CDYL2: variants seen among roughly 807,000 people sequenced by gnomAD.
CDYL2 encodes the protein chromodomain Y like 2.
A neutral mutation model predicts 49.4 loss-of-function variants in CDYL2; 23 were observed. The observed-to-expected ratio is 0.47, with a 90% CI of 0.34 to 0.66. The LOEUF (loss-of-function observed/expected upper bound fraction) is 0.66, where lower values mean the gene tolerates loss of function less well. Among genes scored for constraint, CDYL2 ranks in the 30% least tolerant of loss-of-function variants. The probability of loss-of-function intolerance (pLI) is 0.01; values close to 1 mark genes in which losing one functional copy is unlikely to be tolerated. For missense variants in CDYL2, 678 were observed against 656.4 expected, an observed-to-expected ratio of 1.03 and a Z score of -0.36; for synonymous variants, 360 against 268.8, an observed-to-expected ratio of 1.34 and a Z score of -3.32.
At position 80,673,651 on chromosome 16, in the gene CDYL2, T is replaced by C. The variant is rs138872783; in HGVS notation, c.616+10887A>G. ...ATTCAAGAATACAAACCCATATGCA[T>C]ACCCTTTCTTCCCCTCAAACTCTCC... On this transcript the variant is annotated intron_variant, in intron 2 of 6. Coordinates refer to ENST00000570137, the MANE Select transcript of CDYL2 (RefSeq NM_152342.4). 2.0e-5 allele frequency among the ~76,000 whole-genome samples: 3 copies of C among 152,312 alleles called. No homozygotes were observed. In the East Asian group the frequency reaches 5.8e-4, roughly 29 times the overall value.
chr16:80,780,324 C>A (rs1907221227), intron 1 of CDYL2, among the ~76,000 whole-genome samples: 1 of 151,068 alleles, frequency 6.6e-6, no homozygotes, highest in Non-Finnish European at 1.5e-5. Flanking sequence ...AAGCCCTTCA[C>A]ACCAATCTCA....
intron 1 of CDYL2, among the ~76,000 whole-genome samples, chr16:80,764,467 A>C (rs1012074858): frequency 3.3e-5 from 5 of 152,112 alleles, no homozygotes; most frequent in African/African-American, 1.2e-4. Context: ...TCCCAATGGG[A>C]GGACAGGAAA....
At chr16:80,718,163 G>A (rs946867467) in intron 1 of CDYL2, among the ~76,000 whole-genome samples, 8 of 152,202 alleles carry the variant, frequency 5.3e-5, no homozygotes, top group African/African-American at 1.2e-4. Context: ...TCCAAAGCCC[G>A]TGCTCTTTCT....
intron 1 of CDYL2, among the ~76,000 whole-genome samples, chr16:80,716,607 T>C (rs925955850): frequency 2.6e-5 from 4 of 151,862 alleles, no homozygotes; most frequent in Non-Finnish European, 4.4e-5. Flanking sequence ...AATGGATAGA[T>C]GATGAATGGC....
At chr16:80,732,878 G>A (rs904449484) in intron 1 of CDYL2, among the ~76,000 whole-genome samples, 33 of 118,282 alleles carry the variant, frequency 2.8e-4, no homozygotes, top group African/African-American at 7.9e-4. Flanking sequence ...GGTCAAGTTG[G>A]GAAAGTTGAT....
chr16:80,693,830 T>TA (rs201791448), intron 1 of CDYL2, among the ~76,000 whole-genome samples: 2,875 of 152,126 alleles, frequency 0.019, 30 homozygotes, highest in African/African-American at 0.029. Flanking sequence ...GTACGCACTT[T>TA]TAAAAAAAAA....
chr16:80,623,149 C>A (rs1013527010), intron 3 of CDYL2, among the ~76,000 whole-genome samples: 1 of 152,038 alleles, frequency 6.6e-6, no homozygotes, highest in Non-Finnish European at 1.5e-5. Context: ...AGCAGCAACA[C>A]ATCCCTCAGG....
At chr16:80,789,597 CA>C (rs796634921) in intron 1 of CDYL2, among the ~76,000 whole-genome samples, 332 of 140,862 alleles carry the variant, frequency 2.4e-3, no homozygotes, top group Middle Eastern at 3.5e-3. Flanking sequence ...GAGACTCCAG[CA>C]AAAAAAAAAA....
At chr16:80,642,173 T>C (rs1283597241) in intron 2 of CDYL2, among the ~76,000 whole-genome samples, 1 of 152,204 alleles carries the variant, frequency 6.6e-6, no homozygotes, top group Non-Finnish European at 1.5e-5. Context: ...CCGGGTGTGG[T>C]GGCTCACGCC....
At chr16:80,731,905 G>A (rs918959304) in intron 1 of CDYL2, among the ~76,000 whole-genome samples, 1 of 108,892 alleles carries the variant, frequency 9.2e-6, no homozygotes, top group Non-Finnish European at 2.1e-5. Flanking sequence ...AAGAGATGCA[G>A]CACAGTTAAA....
At chr16:80,715,724 G>T (rs936913417) in intron 1 of CDYL2, among the ~76,000 whole-genome samples, 3 of 151,942 alleles carry the variant, frequency 2.0e-5, no homozygotes, top group African/African-American at 4.8e-5. Flanking sequence ...TGGTGTATAA[G>T]CCCTGCACAG....
At chr16:80,778,428 A>T (rs931685705) in intron 1 of CDYL2, among the ~76,000 whole-genome samples, 4 of 151,988 alleles carry the variant, frequency 2.6e-5, no homozygotes, top group African/African-American at 9.6e-5. Context: ...AGGTAAGATG[A>T]TATAATTTAA....
intron 3 of CDYL2, among the ~76,000 whole-genome samples, chr16:80,624,237 C>A (rs956355659): frequency 3.3e-5 from 5 of 152,178 alleles, no homozygotes; most frequent in Non-Finnish European, 5.9e-5. Context: ...TTACCACAAA[C>A]AGGCTCAGCC....
intron 2 of CDYL2, among the ~76,000 whole-genome samples, chr16:80,672,599 G>GGAAAGGAAAA (rs1909572972): frequency 6.7e-6 from 1 of 149,176 alleles, no homozygotes; most frequent in African/African-American, 2.5e-5. Flanking sequence ...GGAAAGGAAA[G>GGAAAGGAAAA]GAAAGGAAAG....
At chr16:80,637,482 A>G (rs1394495377) in intron 2 of CDYL2, among the ~76,000 whole-genome samples, 1 of 152,216 alleles carries the variant, frequency 6.6e-6, no homozygotes, top group Non-Finnish European at 1.5e-5. Context: ...ACAGATGACA[A>G]GACTTGTCTA....
At chr16:80,614,422 G>T (rs1168323215) in intron 4 of CDYL2, among the ~76,000 whole-genome samples, 1 of 152,204 alleles carries the variant, frequency 6.6e-6, no homozygotes, top group African/African-American at 2.4e-5. Flanking sequence ...GACATTTGCC[G>T]AGCCACAAGA....
intron 2 of CDYL2, among the ~76,000 whole-genome samples, chr16:80,637,225 T>TA (rs11314924): frequency 6.6e-6 from 1 of 151,532 alleles, no homozygotes; most frequent in Admixed American, 6.6e-5. Flanking sequence ...AGCACAAACT[T>TA]AAAAAAAAAA....
intron 4 of CDYL2, among the ~76,000 whole-genome samples, chr16:80,614,810 G>T (rs1295705683): frequency 3.3e-5 from 5 of 150,074 alleles, no homozygotes; most frequent in African/African-American, 1.2e-4. Flanking sequence ...GTTGTAGTGA[G>T]CCGAGATCGG....
chr16:80,758,703 C>T (rs1413667042), intron 1 of CDYL2, among the ~76,000 whole-genome samples: 1 of 151,962 alleles, frequency 6.6e-6, no homozygotes, highest in Non-Finnish European at 1.5e-5. Context: ...CCACCACACC[C>T]AGCTAATTTT....
Sources: allele counts gnomAD v4.1 joint callset (sites outside exome capture counted in the v4.1 genomes callset), GRCh38; gene constraint gnomAD v4.1.1; transcripts MANE v1.5; gene names NCBI Gene and HGNC (gene_info 2026-07-23, HGNC 2026-07-21).